Variants in CNTLN observed in about 807,000 individuals in gnomAD.
The protein encoded by CNTLN is centlein, centrosomal protein.
Under a neutral mutation model 180.0 loss-of-function variants are expected in CNTLN, and 212 were observed. The ratio of observed to expected loss-of-function variants is 1.18; its 90% CI spans 1.05 to 1.32. The LOEUF is 1.32. CNTLN is among the 40% of genes most tolerant of loss of function. The probability of loss-of-function intolerance (pLI) is 0.00; values close to 1 mark genes in which losing one functional copy is unlikely to be tolerated. For synonymous variants in CNTLN, 722 were observed against 563.1 expected (o/e 1.28, Z -3.99); for missense variants, 2,095 against 1,610.9 (o/e 1.30, Z -5.14).
intron 23 of CNTLN, among the ~76,000 whole-genome samples, chr9:17,468,868 A>G (rs1206477014): frequency 6.6e-6 from 1 of 151,740 alleles, no homozygotes; most frequent in Non-Finnish European, 1.5e-5. Flanking sequence ...AGTCCTTCAT[A>G]TTGTTCAGCA....
At chr9:17,252,884 T>C (rs1466512190) in intron 5 of CNTLN, among the ~76,000 whole-genome samples, 1 of 97,490 alleles carries the variant, frequency 1.0e-5, no homozygotes, top group African/African-American at 6.0e-5. Context: ...TCTTCTAGTA[T>C]TTTTCTGTTT....
intron 2 of CNTLN, among the ~76,000 whole-genome samples, chr9:17,204,160 G>C (rs1587132444): frequency 6.6e-6 from 1 of 152,138 alleles, no homozygotes; most frequent in Non-Finnish European, 1.5e-5. Flanking sequence ...AGCTATTTCT[G>C]TCAGTTTGTC....
At chr9:17,265,454 T>G (rs1827347638) in intron 5 of CNTLN, among the ~76,000 whole-genome samples, 2 of 152,162 alleles carry the variant, frequency 1.3e-5, no homozygotes, top group Non-Finnish European at 2.9e-5. Flanking sequence ...AGTATTTTAT[T>G]GAGGATTTTT....
intron 25 of CNTLN, among the ~76,000 whole-genome samples, chr9:17,492,265 T>TTTTCTTTCTTTCTTTC (rs140003186): frequency 6.6e-5 from 10 of 151,868 alleles, no homozygotes; most frequent in African/African-American, 2.4e-4. Flanking sequence ...TGTAATTCCT[T>TTTTCTTTCTTTCTTTC]TTTCTTTCTT....
rs1270204174 is a variant in CNTLN, at chr9:17,330,816, C to A, written c.1518+8C>A. On this transcript the variant is annotated splice_region_variant and intron_variant, in intron 9 of 25. Transcript: ENST00000380647. The stretch of plus-strand genomic sequence containing the variant: ...GCTGAAGGAAAACATAAGGTAGGGA[C>A]ATTTTGTCATTTTGTGAATTTGCCA... 1.3e-6 allele frequency: 2 copies of A among 1,587,188 alleles called. No homozygotes were observed. The highest frequency in any genetic ancestry group is 2.3e-5 in the East Asian group (1 of 43,474).
intron 19 of CNTLN, among the ~76,000 whole-genome samples, chr9:17,460,757 G>A (rs1306949458): frequency 6.6e-6 from 1 of 151,662 alleles, no homozygotes; most frequent in Non-Finnish European, 1.5e-5. Flanking sequence ...AAACAGAAAA[G>A]AATCAACTAG....
At chr9:17,383,176 T>C (rs1825395858) in intron 13 of CNTLN, among the ~76,000 whole-genome samples, 4 of 152,168 alleles carry the variant, frequency 2.6e-5, no homozygotes, top group South Asian at 2.1e-4. Flanking sequence ...AATATATCTA[T>C]ATAAATGATT....
intron 10 of CNTLN, 84 bp from the exon 11 acceptor site, chr9:17,340,743 A>G (rs1224391519): frequency 2.5e-6 from 3 of 1,178,616 alleles, no homozygotes; most frequent in South Asian, 2.1e-5. Context: ...CAAATTTCAT[A>G]TTTAGATGGG....
chr9:17,482,216 A>C (rs1832686317), intron 23 of CNTLN, among the ~76,000 whole-genome samples: 1 of 152,182 alleles, frequency 6.6e-6, no homozygotes, highest in African/African-American at 2.4e-5. Context: ...ACATGATCAA[A>C]CTGAGAGGTA....
chr9:17,424,031 G>A (rs1186288917), intron 18 of CNTLN, among the ~76,000 whole-genome samples: 1 of 152,114 alleles, frequency 6.6e-6, no homozygotes, highest in Non-Finnish European at 1.5e-5. Flanking sequence ...TTCTTCCCTG[G>A]ATAATTGTTG....
intron 14 of CNTLN, among the ~76,000 whole-genome samples, chr9:17,389,628 T>A (rs1011702142): frequency 6.6e-6 from 1 of 152,166 alleles, no homozygotes; most frequent in African/African-American, 2.4e-5. Flanking sequence ...AGTTAATTCC[T>A]CATGTTTGAG....
At chr9:17,483,868 A>G (rs1832767992) in intron 23 of CNTLN, among the ~76,000 whole-genome samples, 1 of 152,210 alleles carries the variant, frequency 6.6e-6, no homozygotes. Context: ...TTCTGCAGTA[A>G]TCTTTCATTG....
chr9:17,189,806 G>A (rs1587071143), intron 2 of CNTLN, among the ~76,000 whole-genome samples: 1 of 151,950 alleles, frequency 6.6e-6, no homozygotes, highest in South Asian at 2.1e-4. Flanking sequence ...AGATATGATC[G>A]TTCTGGGGAC....
At chr9:17,337,153 GTTGT>G (rs1425734263) in intron 10 of CNTLN, among the ~76,000 whole-genome samples, 2 of 152,066 alleles carry the variant, frequency 1.3e-5, no homozygotes, top group Non-Finnish European at 2.9e-5. Context: ...TTTTGATGGG[GTTGT>G]TTGTTTTTTT....
chr9:17,283,227 A>G (rs1481038258), intron 6 of CNTLN, among the ~76,000 whole-genome samples: 1 of 152,148 alleles, frequency 6.6e-6, no homozygotes, highest in East Asian at 1.9e-4. Context: ...TGAGCATGGA[A>G]TGTTTTTTCA....
At chr9:17,216,923 C>T (rs927768615) in intron 2 of CNTLN, among the ~76,000 whole-genome samples, 2 of 152,208 alleles carry the variant, frequency 1.3e-5, no homozygotes, top group African/African-American at 2.4e-5. Flanking sequence ...CAGTTCCACC[C>T]AGGGCATAAA....
At chr9:17,303,474 A>G (rs538754179) in intron 7 of CNTLN, among the ~76,000 whole-genome samples, 1 of 152,178 alleles carries the variant, frequency 6.6e-6, no homozygotes, top group South Asian at 2.1e-4. Flanking sequence ...TCCTGATTGT[A>G]TCCATTTGGT....
intron 25 of CNTLN, among the ~76,000 whole-genome samples, chr9:17,499,390 A>G (rs1444057692): frequency 6.6e-6 from 1 of 152,208 alleles, no homozygotes; most frequent in Non-Finnish European, 1.5e-5. Flanking sequence ...TTCCACTCTT[A>G]GCCATTTTTA....
chr9:17,443,466 A>G (rs943603460), intron 18 of CNTLN, among the ~76,000 whole-genome samples: 7 of 152,200 alleles, frequency 4.6e-5, no homozygotes, highest in African/African-American at 1.7e-4. Context: ...TTAAAATGTG[A>G]AATAGTGTCT....
Sources: gnomAD v4.1 joint callset for allele counts (sites outside exome capture counted in the v4.1 genomes callset) on GRCh38, gnomAD v4.1.1 for gene constraint, MANE v1.5 for transcripts, NCBI Gene and HGNC (gene_info 2026-07-23, HGNC 2026-07-21) for gene names.